CCDC171: variants seen among roughly 807,000 people sequenced by gnomAD.
The protein encoded by CCDC171 is coiled-coil domain-containing protein 171.
Under a neutral mutation model 168.2 loss-of-function variants are expected in CCDC171, and 177 were observed. The observed-to-expected ratio is 1.05, with a 90% confidence interval of 0.93 to 1.19. The LOEUF (loss-of-function observed/expected upper bound fraction) is 1.19. Among genes scored for constraint, CCDC171 ranks in the 50% most tolerant of loss-of-function variants. The pLI is 0.00. For missense variants in CCDC171, 1,991 were observed against 1,539.0 expected (o/e 1.29, Z -4.91); for synonymous variants, 687 against 540.8 (o/e 1.27, Z -3.75).
At chr9:15,948,275 G>A (rs1283634745) in intron 25 of CCDC171, among the ~76,000 whole-genome samples, 149 of 147,818 alleles carry the variant, frequency 1.0e-3, no homozygotes, top group Non-Finnish European at 1.8e-3. Context: ...GAATAATGCC[G>A]CAATAAACAT....
intron 6 of CCDC171, among the ~76,000 whole-genome samples, chr9:15,595,418 G>C (rs183724062): frequency 2.0e-5 from 3 of 152,052 alleles, no homozygotes; most frequent in African/African-American, 7.2e-5. Context: ...TTCTCCTTGC[G>C]ATAGTTTGCT....
chr9:15,628,662 C>G (rs2045388909), intron 7 of CCDC171, among the ~76,000 whole-genome samples: 1 of 152,216 alleles, frequency 6.6e-6, no homozygotes, highest in Non-Finnish European at 1.5e-5. Flanking sequence ...TGTCTGACAG[C>G]TTTGAAGAGA....
the CCDC171 span, among the ~76,000 whole-genome samples, chr9:16,075,870 CAGCACAGCAT>C: frequency 6.6e-6 from 1 of 152,076 alleles, no homozygotes; most frequent in African/African-American, 2.4e-5. Flanking sequence ...CAGCACAGCA[CAGCACAGCAT>C]AGCATAGCAT....
chr9:15,732,388 C>G (rs1398479100), intron 16 of CCDC171, among the ~76,000 whole-genome samples: 2 of 151,980 alleles, frequency 1.3e-5, no homozygotes, highest in Non-Finnish European at 2.9e-5. Flanking sequence ...TTTTTTCCCT[C>G]TTCATTTATT....
chr9:16,028,819 C>T (rs1483749714), intron 6 of CCDC171, among the ~76,000 whole-genome samples: 1 of 152,154 alleles, frequency 6.6e-6, no homozygotes, highest in East Asian at 1.9e-4. Flanking sequence ...GGCATGGGAC[C>T]TCTCTGATGG....
chr9:15,705,378 G>A (rs532507350), intron 11 of CCDC171, among the ~76,000 whole-genome samples: 1 of 152,238 alleles, frequency 6.6e-6, no homozygotes, highest in African/African-American at 2.4e-5. Context: ...TGGTATCAAT[G>A]GCTTGCTTAT....
At chr9:15,670,622 C>T (rs1481821790) in intron 9 of CCDC171, among the ~76,000 whole-genome samples, 1 of 152,116 alleles carries the variant, frequency 6.6e-6, no homozygotes, top group East Asian at 1.9e-4. Context: ...TCTCCCACAC[C>T]ACAGACACTC....
At chr9:15,798,106 T>A (rs1420476752) in intron 21 of CCDC171, among the ~76,000 whole-genome samples, 3 of 152,176 alleles carry the variant, frequency 2.0e-5, no homozygotes, top group Non-Finnish European at 4.4e-5. Context: ...AACTTTGCTC[T>A]TTTTTTGGAA....
chr9:15,665,964 C>G (rs1260394669), intron 8 of CCDC171, among the ~76,000 whole-genome samples, 199 bp from the exon 9 acceptor site: 1 of 152,066 alleles, frequency 6.6e-6, no homozygotes, highest in Non-Finnish European at 1.5e-5. Flanking sequence ...CTTCATTCTT[C>G]TACTCTTTCT....
At chr9:15,743,325 C>T (rs116357324) in intron 16 of CCDC171, among the ~76,000 whole-genome samples, 2 of 151,668 alleles carry the variant, frequency 1.3e-5, no homozygotes, top group Non-Finnish European at 2.9e-5. Context: ...ACCACTATTC[C>T]TGTCTTAATT....
At chr9:15,553,813 G>C (rs530275596) in intron 1 of CCDC171, among the ~76,000 whole-genome samples, 1 of 152,234 alleles carries the variant, frequency 6.6e-6, no homozygotes, top group East Asian at 1.9e-4. Context: ...TAAATTTTCT[G>C]CAGAAATGGA....
At chr9:16,043,740 T>C (rs1833610254) in intron 1 of CCDC171, among the ~76,000 whole-genome samples, 1 of 152,252 alleles carries the variant, frequency 6.6e-6, no homozygotes, top group Admixed American at 6.5e-5. Context: ...CAATAGTGCT[T>C]GTGGAACCTA....
chr9:15,658,733 T>C (rs2048113678), intron 8 of CCDC171, among the ~76,000 whole-genome samples: 1 of 152,042 alleles, frequency 6.6e-6, no homozygotes, highest in Non-Finnish European at 1.5e-5. Flanking sequence ...CTCCAGAAGT[T>C]AGAAAAGGCA....
At chr9:15,594,959 A>G (rs1564008864) in intron 6 of CCDC171, among the ~76,000 whole-genome samples, 1 of 152,168 alleles carries the variant, frequency 6.6e-6, no homozygotes, top group Non-Finnish European at 1.5e-5. Flanking sequence ...TGATAACACA[A>G]TGTGTTTTAT....
At chr9:15,635,676 C>T (rs2046146832) in intron 7 of CCDC171, among the ~76,000 whole-genome samples, 1 of 152,202 alleles carries the variant, frequency 6.6e-6, no homozygotes, top group Non-Finnish European at 1.5e-5. Context: ...TTAATCCAAT[C>T]AAGTTGACAC....
At chr9:15,888,934 C>T (rs1331531052) in intron 24 of CCDC171, 1 of 142,852 alleles carries the variant, frequency 7.0e-6, no homozygotes, top group East Asian at 2.1e-4. Context: ...ATGGTATATG[C>T]CTCATTTTTC....
intron 25 of CCDC171, among the ~76,000 whole-genome samples, chr9:15,938,225 G>A (rs1827318423): frequency 1.3e-5 from 2 of 151,730 alleles, no homozygotes; most frequent in Non-Finnish European, 2.9e-5. Flanking sequence ...GGTCTAGACT[G>A]GAACCATTAT....
chr9:16,023,702 A>C (rs1273437430), intron 6 of CCDC171, among the ~76,000 whole-genome samples: 4 of 152,126 alleles, frequency 2.6e-5, no homozygotes, highest in African/African-American at 9.7e-5. Flanking sequence ...TGCTTATTCA[A>C]CTTTTTTTTT....
At chr9:15,787,665 G>C (rs1327932851) in intron 21 of CCDC171, among the ~76,000 whole-genome samples, 1 of 152,134 alleles carries the variant, frequency 6.6e-6, no homozygotes, top group Non-Finnish European at 1.5e-5. Context: ...TACTAGGTTA[G>C]AAACCACATA....
Sources: allele counts gnomAD v4.1 joint callset (sites outside exome capture counted in the v4.1 genomes callset), GRCh38; gene constraint gnomAD v4.1.1; transcripts MANE v1.5; gene names NCBI Gene and HGNC (gene_info 2026-07-23, HGNC 2026-07-21).